Variants in ZNF804B observed in about 807,000 individuals in gnomAD.
The protein encoded by ZNF804B is zinc finger protein 804B, also known as zinc finger 804B.
In ZNF804B, 80 loss-of-function variants were observed where a neutral mutation model predicts 101.4. That is an observed-to-expected ratio of 0.79 (90% CI 0.66 to 0.95). The LOEUF is 0.95. ZNF804B is among the 40% of genes least tolerant of loss of function. ZNF804B has a pLI of 0.00. For synonymous variants in ZNF804B, 622 were observed against 558.8 expected, an observed-to-expected ratio of 1.11 and a Z score of -1.59; for missense variants, 1,673 against 1,561.9, an observed-to-expected ratio of 1.07 and a Z score of -1.20.
chr7:89,126,131 A>ATT (rs35362573), intron 1 of ZNF804B, among the ~76,000 whole-genome samples: 2 of 150,208 alleles, frequency 1.3e-5, no homozygotes, highest in African/African-American at 4.9e-5. Context: ...ATGTTAATGG[A>ATT]TTTTTTTTTT....
At chr7:89,107,213 T>G (rs2158146) in intron 1 of ZNF804B, among the ~76,000 whole-genome samples, 54,957 of 151,868 alleles carry the variant, frequency 0.36, 10,216 homozygotes, top group Non-Finnish European at 0.41. Context: ...AGTTTATTAT[T>G]CTTTTGATAT....
chr7:89,198,022 C>G (rs1788580802), intron 1 of ZNF804B, among the ~76,000 whole-genome samples: 1 of 151,756 alleles, frequency 6.6e-6, no homozygotes, highest in Non-Finnish European at 1.5e-5. Flanking sequence ...CTTAGAATGT[C>G]CAAGTTTTCA....
intron 1 of ZNF804B, among the ~76,000 whole-genome samples, chr7:88,972,938 G>C (rs1029281397): frequency 6.6e-6 from 1 of 151,318 alleles, no homozygotes; most frequent in Non-Finnish European, 1.5e-5. Flanking sequence ...GCCTTAGTAT[G>C]GGATTCTGCC....
At chr7:89,024,236 T>A (rs1309534632) in intron 1 of ZNF804B, among the ~76,000 whole-genome samples, 4 of 152,170 alleles carry the variant, frequency 2.6e-5, no homozygotes, top group Non-Finnish European at 2.9e-5. Context: ...ACTCTGTACT[T>A]TCCTTTGCAA....
chr7:89,233,124 C>T (rs965117778), intron 2 of ZNF804B, among the ~76,000 whole-genome samples: 2 of 151,992 alleles, frequency 1.3e-5, no homozygotes, highest in African/African-American at 4.8e-5. Context: ...GACGGGGTTT[C>T]CCCGTGTTAG....
At chr7:88,877,785 T>G (rs1176757606) in intron 1 of ZNF804B, among the ~76,000 whole-genome samples, 2 of 152,168 alleles carry the variant, frequency 1.3e-5, no homozygotes, top group Non-Finnish European at 2.9e-5. Flanking sequence ...TTTCATAAAA[T>G]ATATTATCTT....
At chr7:88,933,193 A>G (rs2116024272) in intron 1 of ZNF804B, among the ~76,000 whole-genome samples, 1 of 152,086 alleles carries the variant, frequency 6.6e-6, no homozygotes, top group East Asian at 1.9e-4. Flanking sequence ...AAAAACAAAA[A>G]CCACATGATT....
intron 2 of ZNF804B, among the ~76,000 whole-genome samples, chr7:89,262,232 A>G (rs970067675): frequency 6.6e-6 from 1 of 152,160 alleles, no homozygotes; most frequent in Admixed American, 6.5e-5. Flanking sequence ...TTTATTTTTT[A>G]ATAGTTTTTT....
intron 1 of ZNF804B, among the ~76,000 whole-genome samples, chr7:89,057,647 G>T (rs187599261): frequency 4.6e-5 from 7 of 152,200 alleles, no homozygotes; most frequent in African/African-American, 1.4e-4. Flanking sequence ...GGGGTGTGAG[G>T]GATGAAGAGA....
At chr7:88,982,979 ATG>A (rs889236075) in intron 1 of ZNF804B, among the ~76,000 whole-genome samples, 41 of 152,162 alleles carry the variant, frequency 2.7e-4, no homozygotes, top group African/African-American at 8.4e-4. Context: ...GGAAGAAATA[ATG>A]TTCTGTCTTG....
intron 1 of ZNF804B, among the ~76,000 whole-genome samples, chr7:89,212,999 A>G (rs1788827504): frequency 6.6e-6 from 1 of 152,158 alleles, no homozygotes; most frequent in South Asian, 2.1e-4. Context: ...ACAATCTTGT[A>G]AGCTACTTAT....
chr7:89,101,228 G>A lies in ZNF804B; in HGVS notation c.109-116927G>A, dbSNP rs1030101438. ...ATTCATTATATAAAACAGTTCCTCC[G>A]GCAGGCATGTTTAGCTTTGAGCTAT... On this transcript the variant is annotated intron_variant, in intron 1 of 3. Coordinates refer to ENST00000333190, the MANE Select transcript of ZNF804B (RefSeq NM_181646.5). Among the ~76,000 whole-genome samples the A allele has an allele frequency of 4.0e-5, 6 of 151,586 alleles. No homozygotes were observed. The East Asian group carries it at 5.8e-4, about 15-fold the overall frequency.
At chr7:89,080,933 A>G (rs898547907) in intron 1 of ZNF804B, among the ~76,000 whole-genome samples, 2 of 151,976 alleles carry the variant, frequency 1.3e-5, no homozygotes, top group Admixed American at 1.3e-4. Context: ...CAACAACTAA[A>G]TGAATAGATA....
intron 1 of ZNF804B, among the ~76,000 whole-genome samples, chr7:89,204,063 ACT>A (rs1294247975): frequency 2.6e-5 from 4 of 152,188 alleles, no homozygotes; most frequent in African/African-American, 9.6e-5. Flanking sequence ...CTCATAGATG[ACT>A]CTCACAAATT....
Position 89,334,175 on chromosome 7 carries a change from C to G in ZNF804B, c.1193C>G (p.Thr398Arg), listed in dbSNP as rs927457870. ...SSLEPSEQKS[T>R]VHLNPNSRIE... ...CTGGAGCCAAGTGAACAAAAGAGTACAGTGCATCTGAATCCAAATTCCAGA... is the reference window on the plus strand; with the variant it reads ...CTGGAGCCAAGTGAACAAAAGAGTAGAGTGCATCTGAATCCAAATTCCAGA... Residue 398 changes from threonine to arginine, a missense_variant, in exon 4 of 4, where the codon ACA becomes AGA. Coordinates refer to ENST00000333190, the MANE Select transcript of ZNF804B (RefSeq NM_181646.5). 1 of 1,613,346 alleles carries G rather than the reference C, an allele frequency of 6.2e-7. No individual in the cohort carries two copies. Among genetic ancestry groups the G allele is most frequent in the Non-Finnish European group, 8.5e-7 (1 of 1,179,808 alleles).
At chr7:89,097,174 G>A (rs79173778) in intron 1 of ZNF804B, among the ~76,000 whole-genome samples, 1,539 of 152,192 alleles carry the variant, frequency 0.01, 24 homozygotes, top group African/African-American at 0.035. Flanking sequence ...TGCAATCCCC[G>A]TCCCTCACTT....
At chr7:89,010,615 A>G (rs1028739779) in intron 1 of ZNF804B, among the ~76,000 whole-genome samples, 3 of 152,140 alleles carry the variant, frequency 2.0e-5, no homozygotes, top group East Asian at 1.9e-4. Flanking sequence ...TTTTTGCACT[A>G]CTCAGAAAGG....
At chr7:89,214,923 G>T (rs1177907382) in intron 1 of ZNF804B, among the ~76,000 whole-genome samples, 1 of 152,142 alleles carries the variant, frequency 6.6e-6, no homozygotes, top group African/African-American at 2.4e-5. Context: ...ACAGTGAAAA[G>T]CATGCCCCCC....
At chr7:88,761,231 A>C (rs1414985712) in intron 1 of ZNF804B, among the ~76,000 whole-genome samples, 1 of 152,168 alleles carries the variant, frequency 6.6e-6, no homozygotes, top group Non-Finnish European at 1.5e-5. Flanking sequence ...AGATATCACT[A>C]GGATTCCTCA....
Sources: gnomAD v4.1 joint callset for allele counts (sites outside exome capture counted in the v4.1 genomes callset) on GRCh38, gnomAD v4.1.1 for gene constraint, MANE v1.5 for transcripts, NCBI Gene and HGNC (gene_info 2026-07-23, HGNC 2026-07-21) for gene names.